The following EPM2A variants were observed in gnomAD, a reference collection of about 807,000 sequenced individuals.
The protein encoded by EPM2A is laforin.
EPM2A carries 21 observed loss-of-function variants against 26.5 expected under a neutral mutation model. The observed-to-expected ratio is 0.79, with a 90% confidence interval of 0.56 to 1.14. The LOEUF (loss-of-function observed/expected upper bound fraction) is 1.14, where lower values mean the gene tolerates loss of function less well. Among genes scored for constraint, EPM2A ranks in the 50% most tolerant of loss-of-function variants. The pLI is 0.00. For synonymous variants in EPM2A, 217 were observed against 177.6 expected, an observed-to-expected ratio of 1.22 and a Z score of -1.76; for missense variants, 458 against 440.8, an observed-to-expected ratio of 1.04 and a Z score of -0.35.
chr6:145,434,257 TCTC>T (rs1778959960), intron 4 of EPM2A, among the ~76,000 whole-genome samples: 1 of 150,792 alleles, frequency 6.6e-6, no homozygotes, highest in Non-Finnish European at 1.5e-5. Context: ...TTTTTTTATC[TCTC>T]TCTCTCTTTT....
Position 145,735,235 on chromosome 6 carries a change from G to T in EPM2A, c.264C>A (p.Phe88Leu), listed in dbSNP as rs1034706422. 1.5e-5 allele frequency: 23 copies of T among 1,540,484 alleles called. No homozygotes were observed. The highest frequency in any genetic ancestry group is 2.0e-5 in the Non-Finnish European group (23 of 1,142,848). ...PGRVDTFWYK[F>L]LKREPGGELS... Reference sequence around the variant, plus strand: ...GCTCTCCTCCCGGCTCCCGCTTCAGGAACTTGTACCAGAACGTGTCCACGC... The same window carrying T: ...GCTCTCCTCCCGGCTCCCGCTTCAGTAACTTGTACCAGAACGTGTCCACGC... Residue 88 changes from phenylalanine (F) to leucine (L), a missense_variant, in exon 1 of 4, where the codon TTC becomes TTA. Transcript: ENST00000367519.
In EPM2A at chr6:145,527,936, C is replaced by T. The variant is rs1780300823; in HGVS notation, c.341-25361G>A. Among the ~76,000 whole-genome samples the T allele has an allele frequency of 3.3e-5, 5 of 151,838 alleles. No homozygotes were observed. The South Asian group carries it at 1.0e-3, about 32-fold the overall frequency. On this transcript the variant is annotated intron_variant, in intron 2 of 3. Transcript: ENST00000450221. Reference sequence around the variant, plus strand: ...AAACTAAAAATGCTACTCCAGGGAACACGCAAATAACAAAAAAAAAAGTGA... The same window carrying T: ...AAACTAAAAATGCTACTCCAGGGAATACGCAAATAACAAAAAAAAAAGTGA...
intron 4 of EPM2A, among the ~76,000 whole-genome samples, chr6:145,394,050 C>G (rs7739067): frequency 0.11 from 16,742 of 151,978 alleles, 959 homozygotes; most frequent in South Asian, 0.17. Context: ...CTCTCGATCT[C>G]CTGACCTTGT....
chr6:145,536,410 C>T (rs1206300151), intron 2 of EPM2A, among the ~76,000 whole-genome samples: 1 of 152,152 alleles, frequency 6.6e-6, no homozygotes, highest in African/African-American at 2.4e-5. Flanking sequence ...AGTCTCCTGC[C>T]TCAGCCTCCT....
At chr6:145,590,929 C>T (rs118092604) in intron 2 of EPM2A, among the ~76,000 whole-genome samples, 4,684 of 152,082 alleles carry the variant, frequency 0.031, 95 homozygotes, top group Non-Finnish European at 0.046. Context: ...TTTGAAATAT[C>T]AAACAGAAAA....
intron 2 of EPM2A, among the ~76,000 whole-genome samples, chr6:145,567,747 T>A (rs1243924803): frequency 2.0e-5 from 3 of 152,212 alleles, no homozygotes; most frequent in Non-Finnish European, 4.4e-5. Context: ...TTATATTGAA[T>A]CCTGGAGCAA....
chr6:145,699,930 T>C (rs187915161), intron 1 of EPM2A, among the ~76,000 whole-genome samples: 1 of 152,318 alleles, frequency 6.6e-6, no homozygotes, highest in East Asian at 1.9e-4. Context: ...ACAATTATGC[T>C]TTCATTTAAA....
At chr6:145,721,802 T>C (rs1775963473) in intron 1 of EPM2A, 1 of 152,218 alleles carries the variant, frequency 6.6e-6, no homozygotes, top group Admixed American at 6.5e-5. Context: ...AATCATAAAA[T>C]ATGTTATACT....
intron 2 of EPM2A, among the ~76,000 whole-genome samples, chr6:145,578,572 C>G (rs1781068458): frequency 6.6e-6 from 1 of 152,084 alleles, no homozygotes; most frequent in African/African-American, 2.4e-5. Context: ...ACGAAAAGTC[C>G]AAGACCTTAT....
At chr6:145,492,147 T>C (rs2114742550) in intron 4 of EPM2A, 1 of 205,590 alleles carries the variant, frequency 4.9e-6, no homozygotes, top group South Asian at 7.5e-5. Flanking sequence ...CAGGAAATTT[T>C]CCCTGGCCTT....
At chr6:145,696,776 TGTG>T in intron 1 of EPM2A, among the ~76,000 whole-genome samples, 1 of 3,330 alleles carries the variant, frequency 3.0e-4, no homozygotes, top group Non-Finnish European at 5.2e-4. Flanking sequence ...GGTAGGGGTA[TGTG>T]TGTGTGTGTG....
intron 2 of EPM2A, among the ~76,000 whole-genome samples, chr6:145,682,069 A>C (rs1780579214): frequency 6.6e-6 from 1 of 152,138 alleles, no homozygotes; most frequent in South Asian, 2.1e-4. Context: ...GACATACCCA[A>C]GACTGGGTAA....
chr6:145,526,535 T>A (rs1042443227), intron 2 of EPM2A, among the ~76,000 whole-genome samples: 3 of 152,094 alleles, frequency 2.0e-5, no homozygotes, highest in Non-Finnish European at 2.9e-5. Context: ...GGTGTCTGTT[T>A]CTGGGAATTT....
intron 2 of EPM2A, among the ~76,000 whole-genome samples, chr6:145,586,030 A>G (rs551643676): frequency 1.3e-5 from 2 of 152,316 alleles, no homozygotes; most frequent in African/African-American, 4.8e-5. Context: ...CCACTGTCCC[A>G]TAAACTCTAG....
chr6:145,467,852 G>C (rs746999546), intron 4 of EPM2A, among the ~76,000 whole-genome samples: 4 of 151,886 alleles, frequency 2.6e-5, no homozygotes, highest in African/African-American at 2.4e-5. Context: ...TATTTCTGCT[G>C]CTATTCTGAT....
intron 2 of EPM2A, among the ~76,000 whole-genome samples, chr6:145,610,741 C>A (rs1411072899): frequency 6.6e-6 from 1 of 152,130 alleles, no homozygotes; most frequent in African/African-American, 2.4e-5. Context: ...ATATTGATAT[C>A]CTTCTTCAGA....
chr6:145,650,914 T>G (rs963719290), intron 2 of EPM2A, among the ~76,000 whole-genome samples: 3 of 152,212 alleles, frequency 2.0e-5, no homozygotes, highest in Non-Finnish European at 2.9e-5. Flanking sequence ...TTTCTACTTA[T>G]GCTAATTATC....
intron 4 of EPM2A, among the ~76,000 whole-genome samples, chr6:145,483,646 G>A (rs1779636281): frequency 6.6e-6 from 1 of 152,144 alleles, no homozygotes; most frequent in Non-Finnish European, 1.5e-5. Flanking sequence ...GAACTCAAGA[G>A]AAGAGAAAGC....
intron 4 of EPM2A, among the ~76,000 whole-genome samples, chr6:145,405,945 A>C (rs1239811689): frequency 1.3e-5 from 2 of 151,334 alleles, no homozygotes; most frequent in Non-Finnish European, 3.0e-5. Flanking sequence ...TGCTTATGAA[A>C]ATCTCTTAGA....
Sources: gnomAD v4.1 joint callset for allele counts (sites outside exome capture counted in the v4.1 genomes callset) on GRCh38, gnomAD v4.1.1 for gene constraint, MANE v1.5 for transcripts, NCBI Gene and HGNC (gene_info 2026-07-23, HGNC 2026-07-21) for gene names.